MGAM: variants seen among roughly 807,000 people sequenced by gnomAD.
The protein encoded by MGAM is alpha-1,4-glucosidase.
A neutral mutation model predicts 358.8 loss-of-function variants in MGAM; 253 were observed. The ratio of observed to expected loss-of-function variants is 0.71; its 90% confidence interval spans 0.64 to 0.78. The LOEUF (loss-of-function observed/expected upper bound fraction) is 0.78. Ranked by LOEUF, MGAM falls within the 30% of genes least tolerant of loss-of-function variation. The pLI is 0.00. For synonymous variants in MGAM, 1,105 were observed against 1,227.1 expected (o/e 0.90, Z 2.08); for missense variants, 3,080 against 3,432.6 (o/e 0.90, Z 2.57).
chr7:142,036,233 A>T lies in MGAM; in HGVS notation c.2024A>T (p.Gln675Leu). 1.2e-6 allele frequency: 2 copies of T among 1,612,194 alleles called. No homozygotes were observed. Among genetic ancestry groups the T allele is most frequent in the East Asian group, 2.2e-5 (1 of 44,758 alleles). ...GAGGAGCTCTGTAGGCGGTGGATGC[A>T]GTTGGGTGCATTTTATCCGTTTTCT... Reference protein sequence around the residue: ...TPEELCRRWMQLGAFYPFSRN... With the variant: ...TPEELCRRWMLLGAFYPFSRN... The change falls in exon 17 of 71, where the codon CAG becomes CTG. Residue 675 changes from glutamine to leucine, a missense_variant. By Grantham distance (113) the Gln-to-Leu change is moderately radical (BLOSUM62 -2). Around this residue, in one of 5 missense-constraint regions of MGAM, gnomAD observed 1,816 missense variants for 1,840.5 expected, o/e 0.99. Transcript: ENST00000475668.
intron 1 of MGAM, among the ~76,000 whole-genome samples, chr7:142,003,993 G>A (rs1554451572): frequency 6.6e-6 from 1 of 151,866 alleles, no homozygotes; most frequent in Admixed American, 6.6e-5. Flanking sequence ...CAAATGAGAT[G>A]ATATCTTACA....
Position 142,085,291 on chromosome 7 carries a change from C to T in MGAM, c.6508-542C>T, listed in dbSNP as rs148757935. On this transcript the variant is annotated intron_variant, in intron 54 of 70. Transcript: ENST00000475668. ...CAGTAGCTCCATTAGTGGAACATAGCGTTTCCATTAGTGGATAGTGAAATG... is the reference window on the plus strand; with the variant it reads ...CAGTAGCTCCATTAGTGGAACATAGTGTTTCCATTAGTGGATAGTGAAATG... Among the ~76,000 whole-genome samples the T allele has an allele frequency of 4.3e-3, 626 of 146,652 alleles. 72 individuals are homozygous for T. The highest frequency in any genetic ancestry group is 0.028 in the Admixed American group (412 of 14,616).
chr7:142,027,687 C>A lies in MGAM; in HGVS notation c.1173C>A (p.Asp391Glu), dbSNP rs766107711. Reference protein sequence around the residue: ...HLSRYEYGTLDNMREVVERNR... With the variant: ...HLSRYEYGTLENMREVVERNR... ...GTCGTTACGAATATGGAACCTTAGA[C>A]AACATGAGGGAAGTCGTGGAGAGAA... Residue 391 changes from aspartate (D) to glutamate (E), a missense_variant, in exon 10 of 71, where the codon GAC becomes GAA. Around this residue, in one of 5 missense-constraint regions of MGAM, gnomAD observed 1,816 missense variants for 1,840.5 expected, o/e 0.99. Coordinates refer to ENST00000475668, the MANE Select transcript of MGAM (RefSeq NM_001365693.1). 1.9e-5 allele frequency: 30 copies of A among 1,613,414 alleles called. No individual in the cohort carries two copies. The highest frequency in any genetic ancestry group is 2.5e-5 in the Non-Finnish European group (30 of 1,179,642).
chr7:142,064,601 T>C, intron 37 of MGAM, 79 bp downstream of exon 37: 1 of 1,488,786 alleles, frequency 6.7e-7, no homozygotes. Flanking sequence ...CTAGTTTTCC[T>C]TTCATTCCAT....
rs1230149673 is a variant in MGAM, at chr7:142,088,668, A to G, written c.6810+1951A>G. On this transcript the variant is annotated intron_variant, in intron 57 of 70. Transcript: ENST00000475668. ...TTTCTATCTGTCTGTCTATCTATCT[A>G]TCTATCTATCTATCTATCTATCTAT... Among the ~76,000 whole-genome samples the G allele has an allele frequency of 2.2e-5, 3 of 136,262 alleles. 1 individual carries two copies. The highest frequency in any genetic ancestry group is 4.9e-5 in the Non-Finnish European group (3 of 61,258). The allele number at this position is 136,262 out of a possible 152,430, so 89.4% of individuals were successfully genotyped here. A position where few individuals can be genotyped will look rare whatever the true frequency, so the allele number is the denominator to read the frequency against.
At chr7:142,034,619 T>G in intron 15 of MGAM, 51 bp from the exon 16 acceptor site, 1 of 1,541,262 alleles carries the variant, frequency 6.5e-7, no homozygotes, top group Non-Finnish European at 8.9e-7. Context: ...TCCCCTTGGC[T>G]GAGACAAGCT....
intron 40 of MGAM, among the ~76,000 whole-genome samples, chr7:142,066,214 C>T (rs1184100645): frequency 6.8e-6 from 1 of 146,016 alleles, no homozygotes; most frequent in Non-Finnish European, 1.6e-5. Flanking sequence ...CACTCGACAG[C>T]CTCCAAAAGT....
In MGAM at chr7:142,059,147, T is replaced by G. The variant is rs573277342; in HGVS notation, c.3820-325T>G. ...TGATACCAGGGGCAGCCTCTTGGGG[T>G]AGGTCATCACCATCACTCCTGATAG... On this transcript the variant is annotated intron_variant, in intron 31 of 70. Coordinates refer to ENST00000475668, the MANE Select transcript of MGAM (RefSeq NM_001365693.1). Among the ~76,000 whole-genome samples, 7 of 152,288 alleles carry G rather than the reference T, an allele frequency of 4.6e-5. No individual in the cohort carries two copies. In the South Asian group the frequency reaches 1.5e-3, roughly 32 times the overall value.
At chr7:142,038,637 C>G (rs1465713533) in intron 19 of MGAM, 22 bp downstream of exon 19, 1 of 1,540,602 alleles carries the variant, frequency 6.5e-7, no homozygotes, top group South Asian at 1.2e-5. Flanking sequence ...CACAGAGATA[C>G]ACTAGAGATC....
At chr7:142,037,866 T>C (rs1409963811) in intron 18 of MGAM, among the ~76,000 whole-genome samples, 3 of 152,162 alleles carry the variant, frequency 2.0e-5, no homozygotes, top group South Asian at 2.1e-4. Flanking sequence ...GAGGTATCCA[T>C]CCCCTCGAGC....
intron 57 of MGAM, among the ~76,000 whole-genome samples, chr7:142,089,139 G>T (rs1815130572): frequency 6.9e-6 from 1 of 145,906 alleles, no homozygotes; most frequent in South Asian, 2.2e-4. Flanking sequence ...ACAGGAACCT[G>T]CCCAGCCAGA....
At chr7:142,064,185 G>A (rs1402421977) in intron 36 of MGAM, among the ~76,000 whole-genome samples, 199 bp from the exon 37 acceptor site, 4 of 152,176 alleles carry the variant, frequency 2.6e-5, no homozygotes, top group Admixed American at 2.0e-4. Flanking sequence ...GCTTCCTTCA[G>A]TGAACTTGAT....
intron 47 of MGAM, 63 bp downstream of exon 47, chr7:142,076,889 C>T: frequency 6.7e-7 from 1 of 1,497,684 alleles, no homozygotes; most frequent in East Asian, 2.3e-5. Flanking sequence ...GATGTTTCTT[C>T]TTGCCAAGTT....
chr7:142,036,724 A>T, intron 17 of MGAM, 99 bp from the exon 18 acceptor site: 1 of 1,321,088 alleles, frequency 7.6e-7, no homozygotes, highest in Non-Finnish European at 1.0e-6. Context: ...GTCATTCAGG[A>T]GGGAAATTCT....
chr7:142,065,387 T>C lies in MGAM; in HGVS notation c.4537T>C (p.Phe1513Leu). The C allele has an allele frequency of 1.2e-6, 2 of 1,611,464 alleles. No individual in the cohort carries two copies. Among genetic ancestry groups the C allele is most frequent in the South Asian group, 2.2e-5 (2 of 90,454 alleles). ...AGGGGTCGTCATCACCCGCTCCACA[T>C]TTCCCTCTTCTGGCCGCTGGGCAGG... ...QRGVVITRST[F>L]PSSGRWAGHW... is the part of the protein sequence containing the mutation. The change falls in exon 38 of 71, where the codon TTT becomes CTT. Residue 1513 changes from phenylalanine to leucine, a missense_variant. Transcript: ENST00000475668.
chr7:142,018,149 TC>T (rs1806116084), intron 3 of MGAM, among the ~76,000 whole-genome samples: 1 of 152,248 alleles, frequency 6.6e-6, no homozygotes, highest in Non-Finnish European at 1.5e-5. Flanking sequence ...GCTAGGTGCC[TC>T]TGGCTCAGTG....
At position 142,021,729 on chromosome 7, in the gene MGAM, T is replaced by A; in HGVS notation, c.702T>A (p.Asn234Lys). Residue 234 changes from asparagine (N) to lysine (K), a missense_variant, in exon 6 of 71, where the codon AAT becomes AAA. This residue lies in a region of MGAM where 1,816 missense variants were observed against 1,840.5 expected (regional missense o/e 0.99). Coordinates refer to ENST00000475668, the MANE Select transcript of MGAM (RefSeq NM_001365693.1). The stretch of plus-strand genomic sequence containing the variant: ...TCAAAGTGACCAGAAGAAGCAACAA[T>A]CGTGTTTTGTAAGTTTTGGAAACCT... ...FSIKVTRRSN[N>K]RVLFDSSIGP... 1 of 1,613,830 alleles carries A rather than the reference T, an allele frequency of 6.2e-7. No homozygotes were observed. Among genetic ancestry groups the A allele is most frequent in the Non-Finnish European group, 8.5e-7 (1 of 1,179,786 alleles).
At chr7:141,989,171 G>C (rs1350186314) in intron 2 of MGAM, among the ~76,000 whole-genome samples, 1 of 151,928 alleles carries the variant, frequency 6.6e-6, no homozygotes, top group African/African-American at 2.4e-5. Flanking sequence ...TCTTGTAGTA[G>C]TGGTTTTTCT....
chr7:142,026,916 A>C (rs1554461114), intron 8 of MGAM, among the ~76,000 whole-genome samples, 199 bp from the exon 9 acceptor site: 1 of 152,214 alleles, frequency 6.6e-6, no homozygotes, highest in Non-Finnish European at 1.5e-5. Flanking sequence ...AATCTGTCAC[A>C]GAAAAAATGC....
Sources: gnomAD v4.1 joint callset for allele counts (sites outside exome capture counted in the v4.1 genomes callset) on GRCh38, gnomAD v4.1.1 for gene constraint, gnomAD v4.1.1 regional missense constraint, MANE v1.5 for transcripts, NCBI Gene and HGNC (gene_info 2026-07-23, HGNC 2026-07-21) for gene names.